Variants in FGF14 observed in about 807,000 individuals in gnomAD.
FGF14 encodes the protein fibroblast growth factor homologous factor 4.
In FGF14, 5 loss-of-function variants were observed where a neutral mutation model predicts 25.5. The ratio of observed to expected loss-of-function variants is 0.20; its 90% CI spans 0.10 to 0.41. FGF14 has a LOEUF of 0.41. FGF14 is among the 10% of genes least tolerant of loss of function. The pLI is 1.00. For synonymous variants in FGF14, 138 were observed against 118.3 expected, an observed-to-expected ratio of 1.17 and a Z score of -1.08; for missense variants, 222 against 320.1, an observed-to-expected ratio of 0.69 and a Z score of 2.34.
At chr13:102,036,331 C>A (rs1394305781) in intron 1 of FGF14, among the ~76,000 whole-genome samples, 1 of 152,082 alleles carries the variant, frequency 6.6e-6, no homozygotes, top group Non-Finnish European at 1.5e-5. Context: ...ACACAGATGT[C>A]CCTACAATGT....
intron 1 of FGF14, among the ~76,000 whole-genome samples, chr13:102,247,026 T>G (rs1296838587): frequency 6.6e-6 from 1 of 152,076 alleles, no homozygotes; most frequent in Non-Finnish European, 1.5e-5. Context: ...CTGGGAAAAC[T>G]TGTTAGCCAT....
In FGF14 at chr13:101,868,850, A is replaced by G. The variant is rs763584306; in HGVS notation, c.305-22T>C. The G allele has an allele frequency of 1.1e-5, 16 of 1,498,302 alleles. No homozygotes were observed. In the East Asian group the frequency reaches 3.4e-4, roughly 32 times the overall value. 92.8% of individuals were successfully genotyped at this position (1,498,302 alleles called of 1,614,324 possible). Reference sequence around the variant, plus strand: ...AGTGCTGTGAAGATAAACATTGTCTATCATGAATGGGCAGGAAGAAGCAGG... The same window carrying G: ...AGTGCTGTGAAGATAAACATTGTCTGTCATGAATGGGCAGGAAGAAGCAGG... On this transcript the variant is annotated intron_variant, in intron 2 of 4. Coordinates refer to ENST00000376143, the MANE Select transcript of FGF14 (RefSeq NM_004115.4).
intron 1 of FGF14, among the ~76,000 whole-genome samples, chr13:102,222,202 A>C (rs9518663): frequency 0.1 from 15,569 of 152,168 alleles, 1,253 homozygotes; most frequent in East Asian, 0.4. Context: ...TGCTATTCCT[A>C]GGGTTTTTCG....
intron 1 of FGF14, among the ~76,000 whole-genome samples, chr13:102,256,340 TA>T (rs995247907): frequency 2.0e-5 from 3 of 150,594 alleles, no homozygotes; most frequent in Non-Finnish European, 4.4e-5. Flanking sequence ...AAAAAAAAAT[TA>T]AAAAAAAATT....
At chr13:102,321,230 A>G (rs2138757921) in intron 1 of FGF14, among the ~76,000 whole-genome samples, 1 of 152,280 alleles carries the variant, frequency 6.6e-6, no homozygotes, top group Admixed American at 6.5e-5. Flanking sequence ...ATAGCTCTAA[A>G]AAGCTTTCAA....
chr13:102,079,138 C>T (rs968547544), intron 1 of FGF14, among the ~76,000 whole-genome samples: 4 of 152,108 alleles, frequency 2.6e-5, no homozygotes, highest in African/African-American at 9.7e-5. Context: ...ATTTTAGTGG[C>T]CAGTTCTATT....
chr13:101,775,848 A>G (rs2039071696), intron 3 of FGF14, among the ~76,000 whole-genome samples: 1 of 152,158 alleles, frequency 6.6e-6, no homozygotes, highest in African/African-American at 2.4e-5. Flanking sequence ...AAAATAATTC[A>G]TTGCTATCAA....
intron 1 of FGF14, among the ~76,000 whole-genome samples, chr13:102,190,067 T>C (rs2049062702): frequency 1.3e-5 from 2 of 152,204 alleles, no homozygotes; most frequent in African/African-American, 4.8e-5. Flanking sequence ...TATCACATGT[T>C]ATGTGTCATT....
intron 3 of FGF14, among the ~76,000 whole-genome samples, chr13:101,864,727 T>C (rs758701114): frequency 1.4e-4 from 22 of 152,158 alleles, no homozygotes; most frequent in Non-Finnish European, 2.5e-4. Flanking sequence ...AGGAGAACAC[T>C]GGCACTTACG....
Position 102,032,783 on chromosome 13 carries a change from G to A in FGF14, c.209-157487C>T, listed in dbSNP as rs150753404. 7.6e-3 allele frequency among the ~76,000 whole-genome samples: 1,152 copies of A among 152,136 alleles called. 11 individuals carry two copies. The highest frequency in any genetic ancestry group is 0.013 in the Admixed American group (202 of 15,280). ...AAGCTGTACTAGGATGGCACCATAC[G>A]GAGGCCGTCCATGAGGAAAAGACCA... On this transcript the variant is annotated intron_variant, in intron 1 of 4. Transcript: ENST00000376131.
intron 1 of FGF14, among the ~76,000 whole-genome samples, chr13:102,303,495 G>A (rs1321246010): frequency 6.6e-6 from 1 of 152,054 alleles, no homozygotes; most frequent in Non-Finnish European, 1.5e-5. Context: ...ATAATTGAGT[G>A]GAAATTTTAA....
chr13:101,920,861 C>T (rs2033950958), upstream of FGF14, among the ~76,000 whole-genome samples: 1 of 152,154 alleles, frequency 6.6e-6, no homozygotes, highest in Non-Finnish European at 1.5e-5. Context: ...ATTTCTCTAC[C>T]TTTCAGAGAC....
chr13:101,935,056 G>A (rs1033572664), intron 1 of FGF14, among the ~76,000 whole-genome samples: 18 of 152,142 alleles, frequency 1.2e-4, no homozygotes, highest in Non-Finnish European at 2.6e-4. Context: ...GGAGATTGTG[G>A]AGCTACAGAT....
intron 1 of FGF14, among the ~76,000 whole-genome samples, chr13:101,898,549 G>A (rs1458830970): frequency 6.6e-6 from 1 of 152,018 alleles, no homozygotes; most frequent in East Asian, 1.9e-4. Context: ...TACAAATTTG[G>A]TGCTGAAGAC....
At chr13:102,191,626 T>C (rs1010623653) in intron 1 of FGF14, among the ~76,000 whole-genome samples, 2 of 152,184 alleles carry the variant, frequency 1.3e-5, no homozygotes, top group African/African-American at 4.8e-5. Flanking sequence ...ATTCAGTTCA[T>C]ACATTCTGCC....
intron 1 of FGF14, among the ~76,000 whole-genome samples, chr13:101,972,948 G>T (rs2037695351): frequency 6.6e-6 from 1 of 152,192 alleles, no homozygotes; most frequent in Admixed American, 6.5e-5. Flanking sequence ...GCTTGATGAA[G>T]AATTGACAAA....
chr13:102,249,169 A>G lies in FGF14; in HGVS notation c.208+152302T>C, dbSNP rs577934739. On this transcript the variant is annotated intron_variant, in intron 1 of 4. Transcript: ENST00000376131. ...GATTTAAGAGCATTTACTACAATGGATGAGATTTCCAAAAATGATAGAAAG... is the reference window on the plus strand; with the variant it reads ...GATTTAAGAGCATTTACTACAATGGGTGAGATTTCCAAAAATGATAGAAAG... Among the ~76,000 whole-genome samples the G allele has an allele frequency of 6.6e-5, 10 of 152,266 alleles. No homozygotes were observed. The South Asian group carries it at 2.1e-3, about 32-fold the overall frequency.
chr13:101,774,260 G>A (rs1384113613), intron 3 of FGF14, among the ~76,000 whole-genome samples: 2 of 152,134 alleles, frequency 1.3e-5, no homozygotes, highest in Non-Finnish European at 2.9e-5. Flanking sequence ...CAGAGGAGCA[G>A]ATGGTGACCA....
intron 1 of FGF14, among the ~76,000 whole-genome samples, chr13:102,024,379 G>A (rs2040821570): frequency 6.6e-6 from 1 of 152,002 alleles, no homozygotes; most frequent in Non-Finnish European, 1.5e-5. Flanking sequence ...GACTAATGAT[G>A]TTGAGCAGTT....
Sources: gnomAD v4.1 joint callset for allele counts (sites outside exome capture counted in the v4.1 genomes callset) on GRCh38, gnomAD v4.1.1 for gene constraint, MANE v1.5 for transcripts, NCBI Gene and HGNC (gene_info 2026-07-23, HGNC 2026-07-21) for gene names.